The following EYS variants were observed in gnomAD, a reference collection of about 807,000 sequenced individuals.
The protein encoded by EYS is protein eyes shut homolog.
EYS carries 250 observed loss-of-function variants against 282.1 expected under a neutral mutation model. The ratio of observed to expected loss-of-function variants is 0.89; its 90% CI spans 0.80 to 0.98. The LOEUF is 0.98. Ranked by LOEUF, EYS falls within the 50% of genes least tolerant of loss-of-function variation. The pLI is 0.00. For synonymous variants in EYS, 1,355 were observed against 1,282.9 expected, an observed-to-expected ratio of 1.06 and a Z score of -1.20; for missense variants, 4,016 against 3,709.0, an observed-to-expected ratio of 1.08 and a Z score of -2.15.
intron 26 of EYS, among the ~76,000 whole-genome samples, chr6:64,525,260 C>T (rs759148467): frequency 3.3e-5 from 5 of 151,676 alleles, no homozygotes; most frequent in South Asian, 4.1e-4. Context: ...AAGAGCAAGA[C>T]ATGAAATCAA....
intron 12 of EYS, among the ~76,000 whole-genome samples, chr6:65,127,105 T>G (rs1775741018): frequency 6.6e-6 from 1 of 152,146 alleles, no homozygotes; most frequent in Non-Finnish European, 1.5e-5. Context: ...ATCCTAACTC[T>G]AGAATCATCA....
intron 12 of EYS, among the ~76,000 whole-genome samples, chr6:65,214,497 A>T (rs1288030472): frequency 6.6e-6 from 1 of 152,224 alleles, no homozygotes; most frequent in East Asian, 1.9e-4. Flanking sequence ...AGGTAGCAGA[A>T]GTTGGATCTT....
At chr6:64,751,397 G>C (rs750743831) in intron 22 of EYS, among the ~76,000 whole-genome samples, 4 of 152,144 alleles carry the variant, frequency 2.6e-5, no homozygotes, top group Non-Finnish European at 4.4e-5. Flanking sequence ...GAGGAGTGGA[G>C]GTTTCTCCAC....
chr6:64,759,140 A>AAAAAGAAAAG (rs995039358), intron 22 of EYS, among the ~76,000 whole-genome samples: 10 of 96,408 alleles, frequency 1.0e-4, no homozygotes, highest in African/African-American at 3.1e-4. Flanking sequence ...CTCCATCTCA[A>AAAAAGAAAAG]AAAAGAAAAG....
In EYS at chr6:64,475,269, A is replaced by AAATACCAAATACTTAACACAGTTCCT. The variant is rs1582799233; in HGVS notation, c.5645-35918_5645-35917insAGGAACTGTGTTAAGTATTTGGTATT. On this transcript the variant is annotated intron_variant, in intron 26 of 42. Transcript: ENST00000503581. ...GCTCTGAATAGTAAATGAAAAGAAA[A>AAATACCAAATACTTAACACAGTTCCT]GGCCGGGCGCGGTGGCTCACGCCTG... Among the ~76,000 whole-genome samples the AAATACCAAATACTTAACACAGTTCCT allele has an allele frequency of 1.8e-3, 239 of 135,174 alleles. 7 individuals carry two copies. The highest frequency in any genetic ancestry group is 4.0e-3 in the Middle Eastern group (1 of 250). 88.7% of individuals were successfully genotyped at this position (135,174 alleles called of 152,430 possible).
intron 35 of EYS, among the ~76,000 whole-genome samples, chr6:63,889,515 C>A (rs183526018): frequency 5.3e-5 from 8 of 152,240 alleles, no homozygotes; most frequent in African/African-American, 1.4e-4. Flanking sequence ...CATATCCAGC[C>A]AAACTATGCT....
chr6:64,328,922 G>A (rs1305899521), intron 29 of EYS, among the ~76,000 whole-genome samples: 1 of 152,166 alleles, frequency 6.6e-6, no homozygotes, highest in Non-Finnish European at 1.5e-5. Flanking sequence ...ATGGGACACT[G>A]AAGAATGAAT....
intron 19 of EYS, among the ~76,000 whole-genome samples, chr6:64,868,258 T>A (rs578142799): frequency 4.6e-4 from 70 of 151,680 alleles, no homozygotes; most frequent in African/African-American, 1.6e-3. Flanking sequence ...AATTCACTTG[T>A]GAATAAACAC....
intron 30 of EYS, among the ~76,000 whole-genome samples, chr6:64,266,524 G>A (rs1767765123): frequency 6.6e-6 from 1 of 152,100 alleles, no homozygotes; most frequent in Non-Finnish European, 1.5e-5. Context: ...CTTTTAAAAT[G>A]AGTGTTATTG....
At chr6:64,288,281 C>A (rs952403595) in intron 30 of EYS, among the ~76,000 whole-genome samples, 4 of 151,968 alleles carry the variant, frequency 2.6e-5, no homozygotes, top group African/African-American at 9.7e-5. Flanking sequence ...TAATGCATAT[C>A]ATATACTGGG....
intron 12 of EYS, among the ~76,000 whole-genome samples, chr6:65,086,790 TG>T (rs1220280578): frequency 6.6e-6 from 1 of 151,838 alleles, no homozygotes; most frequent in African/African-American, 2.4e-5. Flanking sequence ...ATGTGTGTGG[TG>T]GTGTGTGTGT....
intron 31 of EYS, among the ~76,000 whole-genome samples, chr6:64,131,544 G>T (rs1476089166): frequency 1.3e-5 from 2 of 152,122 alleles, no homozygotes; most frequent in Admixed American, 6.6e-5. Flanking sequence ...TGGGGGAGCA[G>T]TGCGGGGAGT....
chr6:64,660,770 C>T (rs573268384), intron 22 of EYS, among the ~76,000 whole-genome samples: 1 of 152,326 alleles, frequency 6.6e-6, no homozygotes, highest in Non-Finnish European at 1.5e-5. Flanking sequence ...ATTCCACGCT[C>T]ATGGGTAAGA....
chr6:64,685,153 A>G (rs1236659479), intron 22 of EYS, among the ~76,000 whole-genome samples: 1 of 152,182 alleles, frequency 6.6e-6, no homozygotes, highest in Non-Finnish European at 1.5e-5. Context: ...GAAAAAGTCA[A>G]GATGGGAAAC....
At chr6:64,141,547 C>CT (rs1246657644) in intron 31 of EYS, among the ~76,000 whole-genome samples, 37 of 152,118 alleles carry the variant, frequency 2.4e-4, no homozygotes, top group Admixed American at 3.9e-4. Flanking sequence ...AAAATGACTG[C>CT]TTGGAAGATC....
chr6:64,803,374 T>C (rs1008455145), intron 22 of EYS, among the ~76,000 whole-genome samples: 1 of 143,568 alleles, frequency 7.0e-6, no homozygotes, highest in African/African-American at 2.6e-5. Flanking sequence ...ACTGAAGGTG[T>C]GTGTGTGGGG....
At chr6:63,911,976 C>T (rs386409) in intron 35 of EYS, among the ~76,000 whole-genome samples, 104,968 of 152,084 alleles carry the variant, frequency 0.69, 36,454 homozygotes, top group Non-Finnish European at 0.73. Flanking sequence ...AACTAGTAAT[C>T]ATAATAAGTG....
At chr6:64,442,065 G>A (rs1457006617) in intron 26 of EYS, among the ~76,000 whole-genome samples, 1 of 152,168 alleles carries the variant, frequency 6.6e-6, no homozygotes, top group Admixed American at 6.5e-5. Context: ...GGGAAAGTTT[G>A]GAATTCCCTA....
chr6:64,902,220 C>A lies in EYS; in HGVS notation c.2739G>T (p.Arg913Ser), dbSNP rs77020971. The change falls in exon 18 of 43, where the codon AGG (arginine) becomes AGT (serine). Residue 913 changes from arginine (R) to serine (S), a missense_variant and splice_region_variant. Coordinates refer to ENST00000503581, the MANE Select transcript of EYS (RefSeq NM_001142800.2). The part of the protein sequence containing the change: ...GDCEDMVNNF[R>S]CICRPGFSGS... ...CAGAAAACCCAGGTCTGCAAATACA[C>A]CTTTTAAACAAAAAATTTAGTAACT... 9.7e-6 allele frequency: 15 copies of A among 1,545,038 alleles called. No homozygotes were observed. Among genetic ancestry groups the A allele is most frequent in the South Asian group, 1.2e-5 (1 of 83,094 alleles).
Sources: allele counts gnomAD v4.1 joint callset (sites outside exome capture counted in the v4.1 genomes callset), GRCh38; gene constraint gnomAD v4.1.1; transcripts MANE v1.5; gene names NCBI Gene and HGNC (gene_info 2026-07-23, HGNC 2026-07-21).